The following GALNT13 variants were observed in gnomAD, a reference collection of about 807,000 sequenced individuals.
The protein encoded by GALNT13 is UDP-GalNAc:polypeptide N-acetylgalactosaminyltransferase 13.
A neutral mutation model predicts 64.2 loss-of-function variants in GALNT13; 28 were observed. That is an observed-to-expected ratio of 0.44 (90% CI 0.32 to 0.60). The LOEUF is 0.60. GALNT13 is among the 20% of genes least tolerant of loss of function. The probability of loss-of-function intolerance (pLI) is 0.05; values close to 1 mark genes in which losing one functional copy is unlikely to be tolerated. For synonymous variants in GALNT13, 214 were observed against 224.6 expected (o/e 0.95, Z 0.42); for missense variants, 577 against 669.8 (o/e 0.86, Z 1.53).
chr2:153,551,142 G>A, the GALNT13 span, among the ~76,000 whole-genome samples: 1 of 152,170 alleles, frequency 6.6e-6, no homozygotes, highest in Non-Finnish European at 1.5e-5. Context: ...TTCACTGGGA[G>A]TTTACACACC....
the GALNT13 span, among the ~76,000 whole-genome samples, chr2:153,840,977 T>C: frequency 2.6e-5 from 4 of 152,162 alleles, no homozygotes; most frequent in Admixed American, 6.6e-5. Flanking sequence ...TTAAGTATTC[T>C]AGATATAAGA....
chr2:153,856,440 A>G, the GALNT13 span, among the ~76,000 whole-genome samples: 12 of 152,182 alleles, frequency 7.9e-5, no homozygotes, highest in Admixed American at 3.9e-4. Context: ...AAAAACTGCA[A>G]ACAACCAACA....
intron 3 of GALNT13, among the ~76,000 whole-genome samples, chr2:154,093,488 T>C (rs1019023022): frequency 6.6e-6 from 1 of 151,968 alleles, no homozygotes; most frequent in Non-Finnish European, 1.5e-5. Flanking sequence ...TTGTGGTGTG[T>C]GGTGAGTGTC....
chr2:153,936,939 A>C (rs911089704), intron 2 of GALNT13, among the ~76,000 whole-genome samples: 2 of 151,888 alleles, frequency 1.3e-5, no homozygotes, highest in African/African-American at 2.4e-5. Context: ...GGATGGTCTC[A>C]ATCTCCTGAC....
At chr2:153,239,895 A>G in the GALNT13 span, among the ~76,000 whole-genome samples, 8 of 152,064 alleles carry the variant, frequency 5.3e-5, no homozygotes, top group Admixed American at 4.6e-4. Flanking sequence ...TAGTTTTGGT[A>G]TTAGTTCTCT....
intron 3 of GALNT13, among the ~76,000 whole-genome samples, chr2:154,025,126 G>C (rs1439405880): frequency 6.6e-6 from 1 of 152,140 alleles, no homozygotes; most frequent in African/African-American, 2.4e-5. Context: ...TCCCAGTTAG[G>C]CTACTCGGGG....
rs958346600 is a variant in GALNT13, at chr2:153,872,296, G to A, written c.-184G>A. Reference sequence around the variant, plus strand: ...CCCTCTTCGCGGGATCGTTGGCCAGGATAGCAGGTCTCCGTCTCTTTCTCG... The same window carrying A: ...CCCTCTTCGCGGGATCGTTGGCCAGAATAGCAGGTCTCCGTCTCTTTCTCG... On this transcript the variant is annotated 5_prime_UTR_variant, in exon 1 of 13. Transcript: ENST00000392825. The A allele has an allele frequency of 6.6e-6, 1 of 152,360 alleles. No homozygotes were observed. The highest frequency in any genetic ancestry group is 6.5e-5 in the Admixed American group (1 of 15,272). 9.4% of individuals were successfully genotyped at this position (152,360 alleles called of 1,614,324 possible).
chr2:153,900,208 G>T (rs954407649), intron 1 of GALNT13, among the ~76,000 whole-genome samples: 1 of 151,822 alleles, frequency 6.6e-6, no homozygotes, highest in Non-Finnish European at 1.5e-5. Context: ...TTATAACACC[G>T]TATATACTCC....
the GALNT13 span, among the ~76,000 whole-genome samples, chr2:153,093,431 G>T: frequency 6.6e-6 from 1 of 151,718 alleles, no homozygotes; most frequent in East Asian, 1.9e-4. Context: ...TAGAGACAGG[G>T]TTTCACCATT....
chr2:153,806,831 A>T, the GALNT13 span, among the ~76,000 whole-genome samples: 1 of 152,160 alleles, frequency 6.6e-6, no homozygotes, highest in African/African-American at 2.4e-5. Context: ...GGGAACCTGT[A>T]GATGAAAGGA....
At chr2:153,821,706 T>C in the GALNT13 span, among the ~76,000 whole-genome samples, 1 of 152,152 alleles carries the variant, frequency 6.6e-6, no homozygotes, top group Admixed American at 6.6e-5. Context: ...GCCCCAGAGC[T>C]AGTAGAAGAA....
chr2:153,667,084 A>C, the GALNT13 span, among the ~76,000 whole-genome samples: 1 of 152,150 alleles, frequency 6.6e-6, no homozygotes, highest in Non-Finnish European at 1.5e-5. Flanking sequence ...AGAAAAAAAT[A>C]AAGAAAAAAG....
chr2:153,092,807 A>C, the GALNT13 span, among the ~76,000 whole-genome samples: 1 of 152,140 alleles, frequency 6.6e-6, no homozygotes, highest in Non-Finnish European at 1.5e-5. Flanking sequence ...CATCCTTTCC[A>C]ATTTTAATTT....
chr2:153,993,855 T>C (rs1695333322), intron 3 of GALNT13, among the ~76,000 whole-genome samples: 1 of 152,150 alleles, frequency 6.6e-6, no homozygotes, highest in Non-Finnish European at 1.5e-5. Context: ...CTTCAAGTAC[T>C]TAGATCGTTT....
the GALNT13 span, chr2:153,173,069 C>G: frequency 7.1e-6 from 1 of 140,274 alleles, no homozygotes; most frequent in Non-Finnish European, 1.6e-5. Flanking sequence ...ATGTATATAT[C>G]TTGTAATATA....
At position 154,133,534 on chromosome 2, in the gene GALNT13, T is replaced by TTATA. The variant is rs201083794; in HGVS notation, c.143-6755_143-6752dup. Among the ~76,000 whole-genome samples the TTATA allele has an allele frequency of 6.8e-3, 521 of 76,558 alleles. 4 individuals are homozygous for TTATA. The highest frequency in any genetic ancestry group is 9.4e-3 in the East Asian group (18 of 1,906). 50.2% of individuals were successfully genotyped at this position (76,558 alleles called of 152,430 possible). A position where few individuals can be genotyped will look rare whatever the true frequency, so the allele number is the denominator to read the frequency against. On this transcript the variant is annotated intron_variant, in intron 3 of 12. Transcript: ENST00000392825. ...TTTTTCAGTAACATAACAGACCATTTTATATATATATATATATATATATAT... is the reference window on the plus strand; with the variant it reads ...TTTTTCAGTAACATAACAGACCATTTTATATATATATATATATATATATATATAT...
chr2:153,968,429 C>G (rs1008599823), intron 3 of GALNT13, among the ~76,000 whole-genome samples: 3 of 152,206 alleles, frequency 2.0e-5, no homozygotes, highest in African/African-American at 7.2e-5. Flanking sequence ...GATTCTTTCT[C>G]CAGGCTGTGC....
At chr2:153,488,176 T>G in the GALNT13 span, among the ~76,000 whole-genome samples, 5 of 152,204 alleles carry the variant, frequency 3.3e-5, no homozygotes, top group Admixed American at 2.0e-4. Context: ...TTTCTTCAGT[T>G]GTGCTGGACA....
At chr2:154,394,104 A>AAAAAAAAC (rs1553523758) in intron 9 of GALNT13, among the ~76,000 whole-genome samples, 1 of 146,364 alleles carries the variant, frequency 6.8e-6, no homozygotes, top group Non-Finnish European at 1.5e-5. Flanking sequence ...AAAAAAAAAA[A>AAAAAAAAC]GGTATGCAAA....
Sources: gnomAD v4.1 joint callset for allele counts (sites outside exome capture counted in the v4.1 genomes callset) on GRCh38, gnomAD v4.1.1 for gene constraint, MANE v1.5 for transcripts, NCBI Gene and HGNC (gene_info 2026-07-23, HGNC 2026-07-21) for gene names.